ABCC11: variants seen among roughly 807,000 people sequenced by gnomAD.
ABCC11 encodes ATP binding cassette subfamily C member 11.
Under a neutral mutation model 149.3 loss-of-function variants are expected in ABCC11, and 135 were observed. That is an observed-to-expected ratio of 0.90 (90% confidence interval 0.79 to 1.04). The LOEUF (loss-of-function observed/expected upper bound fraction) is 1.04. Among genes scored for constraint, ABCC11 ranks in the 50% least tolerant of loss-of-function variants. ABCC11 has a pLI of 0.00. For synonymous variants in ABCC11, 665 were observed against 671.4 expected (o/e 0.99, Z 0.15); for missense variants, 1,680 against 1,722.1 (o/e 0.98, Z 0.43).
At chr16:48,229,566 A>G (rs8062849) in intron 3 of ABCC11, among the ~76,000 whole-genome samples, 1,704 of 127,002 alleles carry the variant, frequency 0.013, 7 homozygotes, top group African/African-American at 0.02. Flanking sequence ...CCGGGTTCAC[A>G]CCATTCTCCT....
chr16:48,170,362 C>T (rs766339777), intron 27 of ABCC11, 144 bp from the exon 28 acceptor site: 36 of 685,358 alleles, frequency 5.3e-5, no homozygotes, highest in East Asian at 4.1e-4. Context: ...TCCTTAACTG[C>T]GCCTTGCTCA....
At chr16:48,204,705 C>A (rs1406772868) in intron 13 of ABCC11, among the ~76,000 whole-genome samples, 1 of 152,146 alleles carries the variant, frequency 6.6e-6, no homozygotes, top group African/African-American at 2.4e-5. Flanking sequence ...TATGTTGTTC[C>A]CGGGGGCAGA....
rs1969095492 is a variant in ABCC11 at position 48,213,530 on chromosome 16, GGAGGCCA to G, written c.1262_1268del (p.Leu421ProfsTer2). The G allele has an allele frequency of 6.2e-7, 1 of 1,610,720 alleles. No homozygotes were observed. Among genetic ancestry groups the G allele is most frequent in the Non-Finnish European group, 8.5e-7 (1 of 1,178,544 alleles). ...ACACTGACAGCCGAAGGAGATTCAA[GGAGGCCA>G]GCATGCTGAAGGCCTGGATAAGAAG... On this transcript the variant is annotated frameshift_variant, in exon 10 of 30. Transcript: ENST00000356608. LOFTEE classifies it high-confidence loss of function.
At chr16:48,244,794 A>G (rs1971258872) in intron 1 of ABCC11, among the ~76,000 whole-genome samples, 1 of 152,182 alleles carries the variant, frequency 6.6e-6, no homozygotes, top group Admixed American at 6.5e-5. Flanking sequence ...TACCTGCCCC[A>G]TGACCATGAA....
At chr16:48,182,732 G>C (rs540280086) in intron 23 of ABCC11, among the ~76,000 whole-genome samples, 2 of 149,710 alleles carry the variant, frequency 1.3e-5, no homozygotes, top group Non-Finnish European at 3.0e-5. Context: ...GCAGTGAGCC[G>C]AGATCGCATC....
chr16:48,214,872 A>T lies in ABCC11; in HGVS notation c.1248+9T>A, dbSNP rs761854910. Reference sequence around the variant, plus strand: ...GATGGGGAGAAAACAAAGCCCCCCAAACCCTTACCATTGACGCTGTGAGTT... The same window carrying T: ...GATGGGGAGAAAACAAAGCCCCCCATACCCTTACCATTGACGCTGTGAGTT... On this transcript the variant is annotated intron_variant, in intron 9 of 29. Coordinates refer to ENST00000356608, the MANE Select transcript of ABCC11 (RefSeq NM_001370497.1). 6.2e-7 allele frequency: 1 copy of T among 1,614,032 alleles called. No homozygotes were observed. Among genetic ancestry groups the T allele is most frequent in the East Asian group, 2.2e-5 (1 of 44,882 alleles).
At chr16:48,171,849 G>C (rs1031618464) in intron 26 of ABCC11, among the ~76,000 whole-genome samples, 1 of 152,166 alleles carries the variant, frequency 6.6e-6, no homozygotes, top group Non-Finnish European at 1.5e-5. Flanking sequence ...TGTAGTCCCA[G>C]TTACTCAGGA....
At chr16:48,180,751 T>G (rs1183431267) in intron 23 of ABCC11, among the ~76,000 whole-genome samples, 1 of 152,230 alleles carries the variant, frequency 6.6e-6, no homozygotes, top group East Asian at 1.9e-4. Context: ...GAGACAGAGT[T>G]TTTGAAGGCT....
chr16:48,170,342 GTT>G, intron 27 of ABCC11, 124 bp from the exon 28 acceptor site: 1 of 758,424 alleles, frequency 1.3e-6, no homozygotes, highest in Non-Finnish European at 2.2e-6. Context: ...TCCAGCCTCT[GTT>G]TTCTTGCTCC....
At chr16:48,182,135 A>G (rs560969917) in intron 23 of ABCC11, among the ~76,000 whole-genome samples, 1 of 152,362 alleles carries the variant, frequency 6.6e-6, no homozygotes, top group South Asian at 2.1e-4. Flanking sequence ...ACAGCTCAGC[A>G]TGGAGGACTG....
intron 24 of ABCC11, 81 bp downstream of exon 24, chr16:48,178,516 G>T: frequency 7.5e-7 from 1 of 1,336,602 alleles, no homozygotes; most frequent in Non-Finnish European, 1.1e-6. Context: ...GGGCTCTGAG[G>T]CCAGTGGGGC....
Position 48,170,058 on chromosome 16 carries a change from T to G in ABCC11, c.3891+47A>C, listed in dbSNP as rs114778367. ...GGAGCCGGTGTGGCTTCCCTCATCA[T>G]GCGTAGTCTGTGGCTTCCCCTGGCC... is the stretch of plus-strand genomic sequence containing the variant. On this transcript the variant is annotated intron_variant, in intron 28 of 29. Transcript: ENST00000356608. 1.0e-3 allele frequency: 1,552 copies of G among 1,532,306 alleles called. 15 individuals are homozygous for G. The African/African-American group carries it at 0.02, about 20-fold the overall frequency. The allele number at this position is 1,532,306 out of a possible 1,614,324, so 94.9% of individuals were successfully genotyped here. A position where few individuals can be genotyped will look rare whatever the true frequency, so the allele number is the denominator to read the frequency against.
intron 23 of ABCC11, among the ~76,000 whole-genome samples, chr16:48,180,106 T>G (rs1335353897): frequency 6.6e-6 from 1 of 152,204 alleles, no homozygotes; most frequent in East Asian, 1.9e-4. Flanking sequence ...CTGGTGGTCT[T>G]ATGCTTCAGG....
At chr16:48,205,940 A>G (rs920063103) in intron 12 of ABCC11, among the ~76,000 whole-genome samples, 6 of 151,778 alleles carry the variant, frequency 4.0e-5, no homozygotes, top group African/African-American at 1.5e-4. Context: ...CCTCCTGAGT[A>G]GCTGGGACTA....
chr16:48,213,293 C>A (rs1969074275), intron 10 of ABCC11, 150 bp downstream of exon 10: 1 of 626,096 alleles, frequency 1.6e-6, no homozygotes. Context: ...AGGCTCCACA[C>A]CAGCCTTGGA....
At chr16:48,179,962 A>G (rs563359228) in intron 23 of ABCC11, among the ~76,000 whole-genome samples, 3 of 152,346 alleles carry the variant, frequency 2.0e-5, no homozygotes, top group Admixed American at 2.0e-4. Context: ...TGTAAGTCAG[A>G]GAAGGTGGGC....
In ABCC11 at chr16:48,187,101, A is replaced by C. The variant is rs371819857; in HGVS notation, c.2934-11T>G. On this transcript the variant is annotated splice_polypyrimidine_tract_variant and intron_variant, in intron 21 of 29. Coordinates refer to ENST00000356608, the MANE Select transcript of ABCC11 (RefSeq NM_001370497.1). ...GCCTTCTTGAACATCCTGCATGGAC[A>C]GTGGAGGTAAGGGACCTGGACCGTC... The C allele has an allele frequency of 3.7e-6, 6 of 1,614,056 alleles. No individual in the cohort carries two copies. The highest frequency in any genetic ancestry group is 5.1e-6 in the Non-Finnish European group (6 of 1,180,016).
chr16:48,211,805 G>A (rs569899545), intron 10 of ABCC11, among the ~76,000 whole-genome samples: 2 of 152,302 alleles, frequency 1.3e-5, no homozygotes, highest in East Asian at 3.9e-4. Context: ...AATTCTCTCT[G>A]CATCTCCAGC....
rs951761115 is a variant in ABCC11 at position 48,178,680 on chromosome 16, A to G, written c.3265T>C (p.Ser1089Pro). The change falls in exon 24 of 30, where the codon TCC (serine) becomes CCC (proline). Residue 1089 changes from serine to proline, a missense_variant. Coordinates refer to ENST00000356608, the MANE Select transcript of ABCC11 (RefSeq NM_001370497.1). ...ATCCGGGCAGTGGCCTGGAAGCTGG[A>G]CGCCAGCTAGAAGGAAGGAGAAGTA... ...MAVNIVLQLA[S>P]SFQATARIGL... 1 of 1,614,106 alleles carries G rather than the reference A, an allele frequency of 6.2e-7. No homozygotes were observed. Among genetic ancestry groups the G allele is most frequent in the African/African-American group, 1.3e-5 (1 of 75,028 alleles).
Sources: gnomAD v4.1 joint callset for allele counts (sites outside exome capture counted in the v4.1 genomes callset) on GRCh38, gnomAD v4.1.1 for gene constraint, MANE v1.5 for transcripts, NCBI Gene and HGNC (gene_info 2026-07-23, HGNC 2026-07-21) for gene names.